The following RCOR3 variants were observed in gnomAD, a reference collection of about 807,000 sequenced individuals.
The protein encoded by RCOR3 is REST corepressor 3.
Under a neutral mutation model 64.1 loss-of-function variants are expected in RCOR3, and 13 were observed. The ratio of observed to expected loss-of-function variants is 0.20; its 90% confidence interval spans 0.13 to 0.32. The LOEUF (loss-of-function observed/expected upper bound fraction) is 0.32, where lower values mean the gene tolerates loss of function less well. Ranked by LOEUF, RCOR3 falls within the 10% of genes least tolerant of loss-of-function variation. The pLI is 1.00. For synonymous variants in RCOR3, 215 were observed against 239.0 expected, an observed-to-expected ratio of 0.90 and a Z score of 0.93; for missense variants, 489 against 701.2, an observed-to-expected ratio of 0.70 and a Z score of 3.42.
chr1:211,302,438 T>TA (rs1184343119), intron 9 of RCOR3: 3 of 152,156 alleles, frequency 2.0e-5, no homozygotes, highest in Non-Finnish European at 4.4e-5. Flanking sequence ...AACAAAGTAT[T>TA]AAGAGAGGCC....
At chr1:211,273,077 A>C (rs1054756224) in intron 3 of RCOR3, among the ~76,000 whole-genome samples, 1 of 152,230 alleles carries the variant, frequency 6.6e-6, no homozygotes. Flanking sequence ...GGTTTTCTAC[A>C]CAAAAAGCTT....
chr1:211,304,159 G>A lies in RCOR3; in HGVS notation c.1075+19G>A. ...GTGCAAGGTATATTAAAGATAAGCAGTTATTGTTGTTAATAATTATTTAAT... is the reference window on the plus strand; with the variant it reads ...GTGCAAGGTATATTAAAGATAAGCAATTATTGTTGTTAATAATTATTTAAT... On this transcript the variant is annotated intron_variant, in intron 10 of 11. Transcript: ENST00000419091. 2 of 1,524,912 alleles carry A rather than the reference G, an allele frequency of 1.3e-6. No individual in the cohort carries two copies. Among genetic ancestry groups the A allele is most frequent in the Non-Finnish European group, 1.8e-6 (2 of 1,128,712 alleles). The allele number at this position is 1,524,912 out of a possible 1,614,324, so 94.5% of individuals were successfully genotyped here.
intron 6 of RCOR3, 21 bp downstream of exon 6, chr1:211,278,262 T>G (rs764537774): frequency 6.2e-7 from 1 of 1,612,722 alleles, no homozygotes; most frequent in Non-Finnish European, 8.5e-7. Context: ...TACCTTCATA[T>G]AGTTACATTG....
At chr1:211,305,084 A>G (rs1456801034) in intron 10 of RCOR3, among the ~76,000 whole-genome samples, 1 of 152,202 alleles carries the variant, frequency 6.6e-6, no homozygotes, top group African/African-American at 2.4e-5. Flanking sequence ...ACTTAATACA[A>G]AAATGCTGTG....
rs185037915 is a variant in RCOR3, at chr1:211,283,091, C to T, written c.720+3775C>T. On this transcript the variant is annotated intron_variant, in intron 7 of 11. Transcript: ENST00000419091. Reference sequence around the variant, plus strand: ...CTCTCCAATTAATAAACTTAATTTCCAGCTTTTTATTACGGACACTGCTGA... The same window carrying T: ...CTCTCCAATTAATAAACTTAATTTCTAGCTTTTTATTACGGACACTGCTGA... Among the ~76,000 whole-genome samples the T allele has an allele frequency of 3.3e-3, 497 of 152,166 alleles. 2 individuals carry two copies. The highest frequency in any genetic ancestry group is 0.01 in the Middle Eastern group (3 of 294).
intron 7 of RCOR3, among the ~76,000 whole-genome samples, chr1:211,284,705 A>G (rs181598548): frequency 4.5e-4 from 68 of 152,094 alleles, no homozygotes; most frequent in Middle Eastern, 3.4e-3. Context: ...AACTTTTTGT[A>G]GAGATGGGGT....
chr1:211,274,080 G>A (rs1696622396), intron 3 of RCOR3, 130 bp from the exon 4 acceptor site: 3 of 490,232 alleles, frequency 6.1e-6, no homozygotes, highest in Non-Finnish European at 1.0e-5. Context: ...CATTTCATGG[G>A]AGGTGCCTTT....
intron 7 of RCOR3, among the ~76,000 whole-genome samples, chr1:211,283,726 CT>C (rs1166635662): frequency 6.6e-6 from 1 of 151,924 alleles, no homozygotes; most frequent in Admixed American, 6.5e-5. Flanking sequence ...CCACTGCAGC[CT>C]CAAACTTCTG....
chr1:211,279,212 G>T, intron 6 of RCOR3, 26 bp from the exon 7 acceptor site: 6 of 1,404,216 alleles, frequency 4.3e-6, no homozygotes, highest in Non-Finnish European at 5.9e-6. Context: ...AGGGAATTAA[G>T]TGTACTAATT....
intron 2 of RCOR3, among the ~76,000 whole-genome samples, chr1:211,265,746 G>A (rs1483925993): frequency 6.6e-6 from 1 of 151,960 alleles, no homozygotes; most frequent in African/African-American, 2.4e-5. Context: ...AAATAAAAGT[G>A]CTTTATTGAT....
chr1:211,284,049 T>C (rs1251195936), intron 7 of RCOR3, among the ~76,000 whole-genome samples: 1 of 150,780 alleles, frequency 6.6e-6, no homozygotes, highest in African/African-American at 2.4e-5. Flanking sequence ...TTTATTTTAT[T>C]TTATTTATTT....
chr1:211,271,336 T>C, intron 3 of RCOR3, 27 bp downstream of exon 3: 3 of 1,579,682 alleles, frequency 1.9e-6, no homozygotes, highest in Non-Finnish European at 2.6e-6. Context: ...TGAATGTTAA[T>C]GTCAGCAGGA....
At chr1:211,304,163 T>C in intron 10 of RCOR3, 23 bp downstream of exon 10, 2 of 1,520,500 alleles carry the variant, frequency 1.3e-6, no homozygotes, top group African/African-American at 1.4e-5. Flanking sequence ...TAAGCAGTTA[T>C]TGTTGTTAAT....
chr1:211,308,201 G>C, intron 10 of RCOR3, among the ~76,000 whole-genome samples: 1 of 152,112 alleles, frequency 6.6e-6, no homozygotes, highest in East Asian at 1.9e-4. Flanking sequence ...AAGAACGGAG[G>C]TTCAAAAGTA....
intron 8 of RCOR3, among the ~76,000 whole-genome samples, chr1:211,293,382 T>TTTG (rs1345190602): frequency 2.0e-5 from 3 of 152,192 alleles, no homozygotes; most frequent in Non-Finnish European, 4.4e-5. Flanking sequence ...AAATTAAAAT[T>TTTG]CCTCGGTCTG....
chr1:211,268,009 G>A, intron 2 of RCOR3: 1 of 281,416 alleles, frequency 3.6e-6, no homozygotes, highest in South Asian at 2.8e-5. Flanking sequence ...ATGAGATGCA[G>A]GGAAATTATG....
At chr1:211,283,584 C>T (rs1698115950) in intron 7 of RCOR3, among the ~76,000 whole-genome samples, 1 of 152,176 alleles carries the variant, frequency 6.6e-6, no homozygotes, top group South Asian at 2.1e-4. Context: ...CAGGTAACTA[C>T]TGAGGCTGAA....
intron 10 of RCOR3, among the ~76,000 whole-genome samples, chr1:211,308,636 T>C (rs76509020): frequency 0.028 from 4,070 of 147,928 alleles, 76 homozygotes; most frequent in South Asian, 0.071. Context: ...CATAAGCAGC[T>C]TACCATGTTT....
At chr1:211,276,471 A>G (rs1402192348) in intron 5 of RCOR3, 53 bp downstream of exon 5, 1 of 1,375,132 alleles carries the variant, frequency 7.3e-7, no homozygotes, top group African/African-American at 1.5e-5. Flanking sequence ...ATCTTAAGCT[A>G]CTATTAAACA....
Sources: gnomAD v4.1 joint callset for allele counts (sites outside exome capture counted in the v4.1 genomes callset) on GRCh38, gnomAD v4.1.1 for gene constraint, MANE v1.5 for transcripts, NCBI Gene and HGNC (gene_info 2026-07-23, HGNC 2026-07-21) for gene names.